Variants in RBFOX1 observed in about 807,000 individuals in gnomAD.
RBFOX1 encodes RNA binding protein fox-1 homolog 1.
Under a neutral mutation model 57.7 loss-of-function variants are expected in RBFOX1, and 8 were observed. That is an observed-to-expected ratio of 0.14 (90% CI 0.08 to 0.25). The LOEUF (loss-of-function observed/expected upper bound fraction) is 0.25. RBFOX1 is among the 10% of genes least tolerant of loss of function. The pLI is 1.00. For synonymous variants in RBFOX1, 326 were observed against 222.4 expected (o/e 1.47, Z -4.15); for missense variants, 611 against 548.5 (o/e 1.11, Z -1.14).
At chr16:6,067,938 C>T (rs951645222) in intron 1 of RBFOX1, among the ~76,000 whole-genome samples, 1 of 152,130 alleles carries the variant, frequency 6.6e-6, no homozygotes, top group African/African-American at 2.4e-5. Context: ...ATAACTTGAA[C>T]AGTATCCAAC....
chr16:6,666,674 A>G (rs1447412978), intron 3 of RBFOX1, among the ~76,000 whole-genome samples: 1 of 152,094 alleles, frequency 6.6e-6, no homozygotes, highest in Non-Finnish European at 1.5e-5. Context: ...AGCATGCTTC[A>G]CAGGAAGAAG....
intron 4 of RBFOX1, among the ~76,000 whole-genome samples, chr16:7,220,599 T>C (rs2092650808): frequency 2.0e-5 from 3 of 152,188 alleles, no homozygotes; most frequent in Admixed American, 2.0e-4. Flanking sequence ...GTTGTGCAGG[T>C]ATCATTGCTG....
At chr16:6,165,524 G>A (rs1002245635) in intron 1 of RBFOX1, among the ~76,000 whole-genome samples, 5 of 152,164 alleles carry the variant, frequency 3.3e-5, no homozygotes, top group African/African-American at 7.2e-5. Context: ...AAGATAACAC[G>A]TTTGCCCTCT....
intron 4 of RBFOX1, among the ~76,000 whole-genome samples, chr16:7,255,461 A>C (rs917355061): frequency 6.6e-6 from 1 of 152,244 alleles, no homozygotes; most frequent in Middle Eastern, 3.2e-3. Context: ...TTTAATGTTT[A>C]AACATGCACT....
chr16:7,210,335 T>C (rs893426395), intron 4 of RBFOX1, among the ~76,000 whole-genome samples: 1 of 152,148 alleles, frequency 6.6e-6, no homozygotes, highest in African/African-American at 2.4e-5. Context: ...GGGCAGGAGC[T>C]GACAGCGTGG....
intron 3 of RBFOX1, among the ~76,000 whole-genome samples, chr16:6,966,150 G>C (rs2084099229): frequency 6.6e-6 from 1 of 152,108 alleles, no homozygotes. Flanking sequence ...TCCACTAAAA[G>C]GAGACATTTA....
chr16:6,974,963 A>C (rs905219055), intron 3 of RBFOX1, among the ~76,000 whole-genome samples: 2 of 152,194 alleles, frequency 1.3e-5, no homozygotes, highest in East Asian at 3.9e-4. Context: ...TTCTAAAAGA[A>C]TCTTCCTCTG....
At chr16:5,443,696 T>G (rs2068155283) in intron 1 of RBFOX1, among the ~76,000 whole-genome samples, 1 of 152,310 alleles carries the variant, frequency 6.6e-6, no homozygotes, top group South Asian at 2.1e-4. Flanking sequence ...TAGCTAATAT[T>G]TACTGAGTGT....
At chr16:7,277,680 G>A (rs180827152) in intron 4 of RBFOX1, among the ~76,000 whole-genome samples, 1 of 152,210 alleles carries the variant, frequency 6.6e-6, no homozygotes, top group East Asian at 1.9e-4. Context: ...GTCTACCAGG[G>A]CGGATACCCA....
intron 11 of RBFOX1, among the ~76,000 whole-genome samples, chr16:7,636,222 T>C (rs1162343709): frequency 2.0e-5 from 3 of 152,278 alleles, no homozygotes; most frequent in Non-Finnish European, 4.4e-5. Flanking sequence ...ATGGAACTGT[T>C]GGTTCCCTTC....
chr16:5,527,858 A>T (rs1469092518), intron 2 of RBFOX1, among the ~76,000 whole-genome samples: 1 of 152,124 alleles, frequency 6.6e-6, no homozygotes, highest in Admixed American at 6.5e-5. Context: ...AAAGTGGGCC[A>T]CTCTAAGAAA....
At chr16:5,680,893 T>TTGTGTGTG (rs34949358) in intron 3 of RBFOX1, among the ~76,000 whole-genome samples, 1 of 150,098 alleles carries the variant, frequency 6.7e-6, no homozygotes, top group Non-Finnish European at 1.5e-5. Flanking sequence ...GAGCTTGTAT[T>TTGTGTGTG]TGTGTGTGTG....
chr16:6,785,592 A>G (rs892861646), intron 3 of RBFOX1, among the ~76,000 whole-genome samples: 2 of 152,208 alleles, frequency 1.3e-5, no homozygotes, highest in East Asian at 1.9e-4. Flanking sequence ...TTTCCATTAA[A>G]TAAGCTATTT....
chr16:7,688,335 C>T (rs950929213), intron 14 of RBFOX1, among the ~76,000 whole-genome samples: 1 of 150,928 alleles, frequency 6.6e-6, no homozygotes, highest in Non-Finnish European at 1.5e-5. Flanking sequence ...TGAGTGATAT[C>T]GATCCTGAGA....
intron 1 of RBFOX1, among the ~76,000 whole-genome samples, chr16:5,463,875 C>A (rs770924741): frequency 3.3e-5 from 5 of 151,940 alleles, no homozygotes; most frequent in African/African-American, 7.3e-5. Context: ...GAAATGCAAC[C>A]ACTGTGGGAG....
intron 1 of RBFOX1, among the ~76,000 whole-genome samples, chr16:5,283,400 C>G (rs539736878): frequency 6.6e-6 from 1 of 152,244 alleles, no homozygotes; most frequent in East Asian, 1.9e-4. Context: ...TCACTGACAG[C>G]TTGTACTGTG....
chr16:6,611,743 C>T (rs1200267686), intron 2 of RBFOX1, among the ~76,000 whole-genome samples: 1 of 152,160 alleles, frequency 6.6e-6, no homozygotes, highest in Non-Finnish European at 1.5e-5. Flanking sequence ...AGTGGAAACT[C>T]TGAATGCAGG....
intron 2 of RBFOX1, among the ~76,000 whole-genome samples, chr16:6,588,197 C>T (rs1028071640): frequency 6.6e-6 from 1 of 151,450 alleles, no homozygotes; most frequent in Non-Finnish European, 1.5e-5. Context: ...TGCCACTGTA[C>T]TCCAGCCTGG....
chr16:7,189,025 G>T (rs187985362), intron 4 of RBFOX1, among the ~76,000 whole-genome samples: 1 of 152,226 alleles, frequency 6.6e-6, no homozygotes, highest in Non-Finnish European at 1.5e-5. Flanking sequence ...AGACCTTAAG[G>T]CATTTGGAGG....
Sources: gnomAD v4.1 joint callset for allele counts (sites outside exome capture counted in the v4.1 genomes callset) on GRCh38, gnomAD v4.1.1 for gene constraint, MANE v1.5 for transcripts, NCBI Gene and HGNC (gene_info 2026-07-23, HGNC 2026-07-21) for gene names.